The following CDH8 variants were observed in gnomAD, a reference collection of about 807,000 sequenced individuals.
CDH8 encodes cadherin 8, also known as cadherin-8.
CDH8 carries 17 observed loss-of-function variants against 68.1 expected under a neutral mutation model. The observed-to-expected ratio is 0.25, with a 90% CI of 0.17 to 0.37. The LOEUF (loss-of-function observed/expected upper bound fraction) is 0.37. CDH8 is among the 10% of genes least tolerant of loss of function. The probability of loss-of-function intolerance (pLI) is 1.00; values close to 1 mark genes in which losing one functional copy is unlikely to be tolerated. For synonymous variants in CDH8, 372 were observed against 365.1 expected (o/e 1.02, Z -0.21); for missense variants, 763 against 999.3 (o/e 0.76, Z 3.19).
intron 3 of CDH8, among the ~76,000 whole-genome samples, chr16:61,884,400 G>A (rs573160742): frequency 3.0e-4 from 45 of 149,276 alleles, no homozygotes; most frequent in African/African-American, 1.0e-3. Flanking sequence ...TGGAGAGGGA[G>A]TCTCGCTCTA....
At chr16:61,936,533 A>G (rs1964629684) in intron 2 of CDH8, among the ~76,000 whole-genome samples, 1 of 152,184 alleles carries the variant, frequency 6.6e-6, no homozygotes, top group Admixed American at 6.5e-5. Context: ...AGCTACGAAG[A>G]GCAATGTGAG....
chr16:61,655,873 C>A (rs996998761), intron 10 of CDH8, 152 bp from the exon 11 acceptor site: 1 of 532,848 alleles, frequency 1.9e-6, no homozygotes, highest in East Asian at 3.2e-5. Flanking sequence ...CGTCTCCGCA[C>A]TTTTTTTTTT....
chr16:61,702,641 G>C (rs969177258), intron 10 of CDH8, among the ~76,000 whole-genome samples: 5 of 152,162 alleles, frequency 3.3e-5, no homozygotes, highest in Non-Finnish European at 4.4e-5. Context: ...CTAATATTAT[G>C]AGAATCTTCT....
chr16:61,790,597 G>T (rs545866398), intron 7 of CDH8, among the ~76,000 whole-genome samples: 1 of 151,966 alleles, frequency 6.6e-6, no homozygotes, highest in Non-Finnish European at 1.5e-5. Context: ...CTGAAGCATG[G>T]TCCATGCCAG....
intron 4 of CDH8, among the ~76,000 whole-genome samples, chr16:61,826,683 G>A (rs1414498611): frequency 6.6e-6 from 1 of 150,676 alleles, no homozygotes; most frequent in Non-Finnish European, 1.5e-5. Context: ...TCATCTGTCT[G>A]TAAAAGCACT....
chr16:61,913,043 T>C (rs1964185952), intron 2 of CDH8, among the ~76,000 whole-genome samples: 2 of 152,166 alleles, frequency 1.3e-5, no homozygotes, highest in Admixed American at 6.6e-5. Context: ...TAAGTACAAG[T>C]TGAATATCCC....
intron 8 of CDH8, among the ~76,000 whole-genome samples, chr16:61,754,541 T>TG (rs1960261188): frequency 6.6e-6 from 1 of 151,944 alleles, no homozygotes; most frequent in South Asian, 2.1e-4. Flanking sequence ...GTACATATTT[T>TG]GGGGGGTACA....
intron 4 of CDH8, among the ~76,000 whole-genome samples, chr16:61,831,719 G>A: frequency 6.6e-6 from 1 of 151,786 alleles, no homozygotes. Flanking sequence ...GAAAGGCAAG[G>A]GGATGCTGAT....
At chr16:61,780,062 G>C (rs1206989249) in intron 8 of CDH8, among the ~76,000 whole-genome samples, 2 of 152,096 alleles carry the variant, frequency 1.3e-5, no homozygotes, top group Non-Finnish European at 2.9e-5. Context: ...GAGTTTCTTT[G>C]CCTGGAAAAT....
At chr16:61,783,127 T>G (rs1301747212) in intron 8 of CDH8, among the ~76,000 whole-genome samples, 1 of 144,548 alleles carries the variant, frequency 6.9e-6, no homozygotes, top group Non-Finnish European at 1.5e-5. Context: ...CTTCAGACGA[T>G]CAAATTACTC....
intron 10 of CDH8, among the ~76,000 whole-genome samples, chr16:61,683,506 T>C (rs151036976): frequency 1.3e-5 from 2 of 152,158 alleles, no homozygotes; most frequent in African/African-American, 4.8e-5. Flanking sequence ...ATCTTTGGCT[T>C]GCTCTAACCA....
intron 2 of CDH8, among the ~76,000 whole-genome samples, chr16:61,933,740 C>A (rs958546595): frequency 6.6e-6 from 1 of 151,964 alleles, no homozygotes; most frequent in Non-Finnish European, 1.5e-5. Flanking sequence ...TTTTTTGCAA[C>A]CTTCACATGT....
At chr16:61,906,642 T>C (rs1265534271) in intron 2 of CDH8, among the ~76,000 whole-genome samples, 1 of 152,216 alleles carries the variant, frequency 6.6e-6, no homozygotes, top group Non-Finnish European at 1.5e-5. Flanking sequence ...CCTTTGTATT[T>C]CCTCTGCCTA....
chr16:61,663,512 C>T lies in CDH8; in HGVS notation c.1655-7791G>A, dbSNP rs544911535. Among the ~76,000 whole-genome samples, 87 of 151,950 alleles carry T rather than the reference C, an allele frequency of 5.7e-4. 2 individuals carry two copies. In the South Asian group the frequency reaches 0.011, roughly 18 times the overall value. On this transcript the variant is annotated intron_variant, in intron 10 of 11. Transcript: ENST00000577390. Reference sequence around the variant, plus strand: ...CATTAAAATATAAGCCCCTTGAGGCCGACTTGCCTTAGTCACAGTTCTACT... The same window carrying T: ...CATTAAAATATAAGCCCCTTGAGGCTGACTTGCCTTAGTCACAGTTCTACT...
chr16:61,837,657 T>C (rs1280466821), intron 4 of CDH8, among the ~76,000 whole-genome samples: 1 of 152,124 alleles, frequency 6.6e-6, no homozygotes, highest in East Asian at 1.9e-4. Context: ...ATTGGCTTTC[T>C]GGTTCCAGCC....
At chr16:61,960,049 A>G (rs1442459999) in intron 2 of CDH8, among the ~76,000 whole-genome samples, 1 of 130,946 alleles carries the variant, frequency 7.6e-6, no homozygotes, top group African/African-American at 2.8e-5. Flanking sequence ...ACATATATGT[A>G]TGTATGTGTG....
At chr16:61,708,439 T>C (rs1056150775) in intron 10 of CDH8, among the ~76,000 whole-genome samples, 11 of 152,140 alleles carry the variant, frequency 7.2e-5, no homozygotes, top group Non-Finnish European at 1.5e-4. Flanking sequence ...TTTTTCAACA[T>C]GTATAAAGAA....
intron 8 of CDH8, among the ~76,000 whole-genome samples, chr16:61,782,861 G>A (rs1961118193): frequency 6.6e-6 from 1 of 152,134 alleles, no homozygotes; most frequent in African/African-American, 2.4e-5. Flanking sequence ...TATTCCAACA[G>A]ACCTGCAGCT....
chr16:61,667,337 T>C (rs1596847225), intron 10 of CDH8: 1 of 152,110 alleles, frequency 6.6e-6, no homozygotes, highest in East Asian at 1.9e-4. Flanking sequence ...GGTGGATTCC[T>C]GTGGAAGTTC....
Sources: gnomAD v4.1 joint callset for allele counts (sites outside exome capture counted in the v4.1 genomes callset) on GRCh38, gnomAD v4.1.1 for gene constraint, MANE v1.5 for transcripts, NCBI Gene and HGNC (gene_info 2026-07-23, HGNC 2026-07-21) for gene names.